The following ELP4 variants were observed in gnomAD, a reference collection of about 807,000 sequenced individuals.
ELP4 encodes elongator complex protein 4.
Under a neutral mutation model 48.9 loss-of-function variants are expected in ELP4, and 51 were observed. The ratio of observed to expected loss-of-function variants is 1.04; its 90% CI spans 0.83 to 1.32. The LOEUF is 1.32. Among genes scored for constraint, ELP4 ranks in the 40% most tolerant of loss-of-function variants. The pLI, the probability that ELP4 is intolerant of heterozygous loss-of-function variation, is 0.00. For missense variants in ELP4, 519 were observed against 514.6 expected (o/e 1.01, Z -0.08); for synonymous variants, 210 against 189.2 (o/e 1.11, Z -0.90).
chr11:31,756,998 A>G (rs1214672094), intron 9 of ELP4, among the ~76,000 whole-genome samples: 1 of 152,200 alleles, frequency 6.6e-6, no homozygotes, highest in Non-Finnish European at 1.5e-5. Context: ...TAGATTTTTA[A>G]CTTCTTCGCC....
intron 9 of ELP4, among the ~76,000 whole-genome samples, chr11:31,733,239 G>A (rs1361024005): frequency 6.6e-6 from 1 of 152,076 alleles, no homozygotes; most frequent in Non-Finnish European, 1.5e-5. Flanking sequence ...AATTTGGGAG[G>A]CTGAGGCGGG....
At chr11:31,714,833 A>C in intron 9 of ELP4, 1 of 398,398 alleles carries the variant, frequency 2.5e-6, no homozygotes. Flanking sequence ...TCTCTCCTTC[A>C]CTTTTAAGGA....
chr11:31,636,693 A>T (rs561746198), intron 7 of ELP4, among the ~76,000 whole-genome samples: 19 of 152,080 alleles, frequency 1.2e-4, no homozygotes, highest in African/African-American at 4.6e-4. Flanking sequence ...TTATTTTTTA[A>T]TTTGCATTTG....
chr11:31,520,417 G>C (rs1181208358), intron 2 of ELP4, among the ~76,000 whole-genome samples: 1 of 151,988 alleles, frequency 6.6e-6, no homozygotes, highest in East Asian at 1.9e-4. Context: ...TTATTACAGG[G>C]ATCAATTTGG....
chr11:31,538,005 A>G (rs1349638101), intron 2 of ELP4, among the ~76,000 whole-genome samples: 1 of 152,076 alleles, frequency 6.6e-6, no homozygotes, highest in Non-Finnish European at 1.5e-5. Flanking sequence ...ATATCTCTCC[A>G]TTTATTTAGG....
intron 9 of ELP4, among the ~76,000 whole-genome samples, chr11:31,703,833 C>T (rs1278749093): frequency 1.3e-5 from 2 of 152,084 alleles, no homozygotes; most frequent in African/African-American, 4.8e-5. Context: ...TAAAGTAATT[C>T]TCAAATTGTT....
intron 9 of ELP4, among the ~76,000 whole-genome samples, chr11:31,706,318 C>G (rs1011989563): frequency 2.6e-5 from 4 of 151,282 alleles, no homozygotes; most frequent in African/African-American, 9.7e-5. Context: ...CTCTAGTCAT[C>G]CTACAGTGGT....
At chr11:31,657,638 A>G (rs901405183) in intron 9 of ELP4, among the ~76,000 whole-genome samples, 12 of 152,072 alleles carry the variant, frequency 7.9e-5, no homozygotes, top group Non-Finnish European at 1.3e-4. Flanking sequence ...GTGCTTTCAT[A>G]TACATTATTA....
At chr11:31,546,952 A>C (rs970067562) in intron 3 of ELP4, among the ~76,000 whole-genome samples, 12 of 152,206 alleles carry the variant, frequency 7.9e-5, no homozygotes, top group African/African-American at 2.9e-4. Context: ...ACAAAGACAC[A>C]ACGTACCAGA....
chr11:31,681,272 G>C (rs1946046124), intron 9 of ELP4, among the ~76,000 whole-genome samples: 1 of 152,138 alleles, frequency 6.6e-6, no homozygotes, highest in Admixed American at 6.5e-5. Context: ...TCTGCGTTGT[G>C]AATGGGGTTT....
At chr11:31,737,283 A>T (rs1235645440) in intron 9 of ELP4, among the ~76,000 whole-genome samples, 2 of 152,056 alleles carry the variant, frequency 1.3e-5, no homozygotes, top group Non-Finnish European at 2.9e-5. Context: ...ACACATGGAC[A>T]CAGGAAGGGG....
chr11:31,587,152 T>C (rs2133979743), intron 3 of ELP4, among the ~76,000 whole-genome samples: 1 of 152,320 alleles, frequency 6.6e-6, no homozygotes, highest in Non-Finnish European at 1.5e-5. Context: ...AGACTTTCTT[T>C]ACTCTGTTCA....
intron 9 of ELP4, among the ~76,000 whole-genome samples, chr11:31,686,738 C>T (rs925306607): frequency 5.3e-5 from 8 of 151,770 alleles, no homozygotes; most frequent in Admixed American, 2.0e-4. Context: ...GGCATGGTGG[C>T]GACACTTGTG....
At chr11:31,552,051 A>G (rs1156513859) in intron 3 of ELP4, among the ~76,000 whole-genome samples, 5 of 152,160 alleles carry the variant, frequency 3.3e-5, no homozygotes, top group Admixed American at 1.3e-4. Flanking sequence ...TACTGTGGTC[A>G]TCTCTCAGGC....
At chr11:31,563,726 T>C (rs1423424462) in intron 3 of ELP4, among the ~76,000 whole-genome samples, 3 of 152,204 alleles carry the variant, frequency 2.0e-5, no homozygotes, top group East Asian at 1.9e-4. Flanking sequence ...ATAGAACTTA[T>C]GGAGTCTGCT....
intron 8 of ELP4, chr11:31,648,647 C>G (rs867583280): frequency 2.4e-4 from 36 of 151,402 alleles, no homozygotes; most frequent in African/African-American, 8.7e-4. Flanking sequence ...TCTGTGGAAA[C>G]CTCTAAAGAC....
At chr11:31,598,421 A>G (rs189517977) in intron 4 of ELP4, among the ~76,000 whole-genome samples, 15 of 149,912 alleles carry the variant, frequency 1.0e-4, no homozygotes, top group African/African-American at 2.9e-4. Flanking sequence ...TGTACCTGCC[A>G]TTGGCTTTGT....
At chr11:31,623,330 A>G (rs1378936883) in intron 5 of ELP4, among the ~76,000 whole-genome samples, 1 of 137,766 alleles carries the variant, frequency 7.3e-6, no homozygotes, top group Admixed American at 7.6e-5. Flanking sequence ...TTTAGATGAC[A>G]ATAGAAGATA....
intron 9 of ELP4, among the ~76,000 whole-genome samples, chr11:31,682,558 C>T (rs1946075772): frequency 6.6e-6 from 1 of 152,030 alleles, no homozygotes; most frequent in Non-Finnish European, 1.5e-5. Context: ...TTGTTCAGTT[C>T]CCTCATTTTT....
Sources: allele counts gnomAD v4.1 joint callset (sites outside exome capture counted in the v4.1 genomes callset), GRCh38; gene constraint gnomAD v4.1.1; transcripts MANE v1.5; gene names NCBI Gene and HGNC (gene_info 2026-07-23, HGNC 2026-07-21).